SPAG17: variants seen among roughly 807,000 people sequenced by gnomAD.
SPAG17 encodes sperm associated antigen 17, also known as sperm-associated antigen 17.
In SPAG17, 169 loss-of-function variants were observed where a neutral mutation model predicts 273.6. The ratio of observed to expected loss-of-function variants is 0.62; its 90% CI spans 0.55 to 0.70. SPAG17 has a LOEUF of 0.70. Among genes scored for constraint, SPAG17 ranks in the 30% least tolerant of loss-of-function variants. SPAG17 has a pLI of 0.00. For synonymous variants in SPAG17, 825 were observed against 873.2 expected (o/e 0.94, Z 0.97); for missense variants, 2,557 against 2,627.8 (o/e 0.97, Z 0.59).
At chr1:118,157,178 A>G (rs1659694715) in intron 1 of SPAG17, among the ~76,000 whole-genome samples, 1 of 152,208 alleles carries the variant, frequency 6.6e-6, no homozygotes, top group Non-Finnish European at 1.5e-5. Context: ...CCAGCATATC[A>G]CAGCTGCCAT....
chr1:118,069,610 C>CAGGTAGAATTTTGAGTA (rs1653366617), intron 17 of SPAG17, among the ~76,000 whole-genome samples: 1 of 152,016 alleles, frequency 6.6e-6, no homozygotes, highest in Non-Finnish European at 1.5e-5. Flanking sequence ...ATCAGAAATT[C>CAGGTAGAATTTTGAGTA]AGGTAGAATT....
At chr1:118,181,397 CAG>C (rs1660934739) in intron 1 of SPAG17, among the ~76,000 whole-genome samples, 1 of 151,606 alleles carries the variant, frequency 6.6e-6, no homozygotes, top group South Asian at 2.1e-4. Flanking sequence ...ATGCTGTGTG[CAG>C]AGATTCACTT....
intron 39 of SPAG17, 83 bp from the exon 40 acceptor site, chr1:117,987,964 T>A: frequency 6.6e-7 from 1 of 1,509,002 alleles, no homozygotes; most frequent in East Asian, 2.3e-5. Flanking sequence ...CACCACTATA[T>A]GATGAATTAT....
At chr1:118,081,993 T>C (rs1654617323) in intron 13 of SPAG17, among the ~76,000 whole-genome samples, 1 of 152,190 alleles carries the variant, frequency 6.6e-6, no homozygotes, top group Non-Finnish European at 1.5e-5. Flanking sequence ...AAAGCACCCT[T>C]TTCTCCTGTT....
At chr1:118,124,820 C>T (rs768468878) in intron 3 of SPAG17, among the ~76,000 whole-genome samples, 3 of 152,198 alleles carry the variant, frequency 2.0e-5, no homozygotes, top group Non-Finnish European at 4.4e-5. Flanking sequence ...CCCAGGCTAT[C>T]TGGTTCCAGA....
chr1:118,014,252 G>A (rs1659751524), intron 29 of SPAG17, among the ~76,000 whole-genome samples: 1 of 152,142 alleles, frequency 6.6e-6, no homozygotes, highest in Admixed American at 6.5e-5. Flanking sequence ...CACAGTGAGT[G>A]CTCAGTAAAT....
rs775957192 is a variant in SPAG17 at position 118,025,239 on chromosome 1, T to C, written c.3908A>G (p.Gln1303Arg). The C allele has an allele frequency of 1.2e-6, 2 of 1,613,044 alleles. No homozygotes were observed. The highest frequency in any genetic ancestry group is 2.7e-5 in the African/African-American group (2 of 74,858). Residue 1303 changes from glutamine to arginine, a missense_variant and splice_region_variant, in exon 27 of 49, where the codon CAG (glutamine) becomes CGG (arginine). Gln to Arg is a conservative substitution (Grantham distance 43, BLOSUM62 1). Coordinates refer to ENST00000336338, the MANE Select transcript of SPAG17 (RefSeq NM_206996.4). ...VVKYMLDGST[Q>R]ILFADGAVSR... ...AATTTCTCTAACACATTCTTTTACC[T>C]GTGTGGATCCATCCAACATATATTT...
intron 26 of SPAG17, among the ~76,000 whole-genome samples, chr1:118,028,018 T>A (rs2101865053): frequency 6.6e-6 from 1 of 152,312 alleles, no homozygotes; most frequent in East Asian, 1.9e-4. Context: ...GGCAAGTAAC[T>A]GAACCTCCTG....
chr1:117,966,775 T>C (rs1557843538), intron 46 of SPAG17, 22 bp from the exon 47 acceptor site: 1 of 1,588,346 alleles, frequency 6.3e-7, no homozygotes, highest in Non-Finnish European at 8.5e-7. Flanking sequence ...AAGGTAGCTT[T>C]AGGACCAGAC....
At chr1:118,041,486 A>G (rs1420634510) in intron 21 of SPAG17, among the ~76,000 whole-genome samples, 1 of 152,110 alleles carries the variant, frequency 6.6e-6, no homozygotes, top group Admixed American at 6.6e-5. Context: ...TGAGACAGAT[A>G]AAGCCAACTT....
rs373376098 is a variant in SPAG17 at position 118,041,792 on chromosome 1, T to C, written c.3054+11A>G. 105 of 1,604,238 alleles carry C rather than the reference T, an allele frequency of 6.5e-5. No homozygotes were observed. Among genetic ancestry groups the C allele is most frequent in the Admixed American group, 1.9e-4 (11 of 57,494 alleles). On this transcript the variant is annotated intron_variant, in intron 21 of 48. Transcript: ENST00000336338. Reference sequence around the variant, plus strand: ...CCCAAAGAGACTAAGTTTTACAGAATTGGAGTTTACCGGGTAAGTTATCTT... The same window carrying C: ...CCCAAAGAGACTAAGTTTTACAGAACTGGAGTTTACCGGGTAAGTTATCTT...
At chr1:118,146,197 G>C (rs990950085) in intron 3 of SPAG17, among the ~76,000 whole-genome samples, 2 of 152,180 alleles carry the variant, frequency 1.3e-5, no homozygotes, top group African/African-American at 4.8e-5. Context: ...TTCACTTACT[G>C]TGTATCAGAT....
rs1188004680 is a variant in SPAG17, at chr1:117,953,866, T to G, written c.*184A>C. On this transcript the variant is annotated 3_prime_UTR_variant, in exon 49 of 49. Coordinates refer to ENST00000336338, the MANE Select transcript of SPAG17 (RefSeq NM_206996.4). ...AAACCAAAAATGTCTTTAAATGCTT[T>G]TTGGCACTCTATTCGCACGTCTTTA... 1 of 706,972 alleles carries G rather than the reference T, an allele frequency of 1.4e-6. No homozygotes were observed. The highest frequency in any genetic ancestry group is 3.0e-5 in the Admixed American group (1 of 33,786). 43.8% of individuals were successfully genotyped at this position (706,972 alleles called of 1,614,324 possible). A position where few individuals can be genotyped will look rare whatever the true frequency, so the allele number is the denominator to read the frequency against.
chr1:117,991,429 G>A lies in SPAG17; in HGVS notation c.5461C>T (p.Leu1821Phe). ...EEERGNAADLLKLVMSFPKME... is the reference protein window; with the variant it reads ...EEERGNAADLFKLVMSFPKME... ...CATTTTCTCACCATAACCAGCTTGA[G>A]GAGATCAGCAGCATTGCCTCTCTCC... Residue 1821 changes from leucine (L) to phenylalanine (F), a missense_variant, in exon 37 of 49, where the codon CTC becomes TTC. Coordinates refer to ENST00000336338, the MANE Select transcript of SPAG17 (RefSeq NM_206996.4). 1.2e-6 allele frequency: 2 copies of A among 1,602,374 alleles called. No homozygotes were observed. The highest frequency in any genetic ancestry group is 1.1e-5 in the South Asian group (1 of 89,418).
intron 1 of SPAG17, among the ~76,000 whole-genome samples, chr1:118,182,759 C>A (rs1661006914): frequency 6.6e-6 from 1 of 152,168 alleles, no homozygotes; most frequent in African/African-American, 2.4e-5. Flanking sequence ...TTCATTCTAC[C>A]TGTTCAAATT....
intron 4 of SPAG17, among the ~76,000 whole-genome samples, chr1:118,114,558 A>T (rs1399029547): frequency 6.6e-6 from 1 of 152,202 alleles, no homozygotes; most frequent in Non-Finnish European, 1.5e-5. Context: ...CATTTCATAC[A>T]TACACATGCA....
chr1:118,076,905 A>T (rs1020362631), intron 15 of SPAG17, among the ~76,000 whole-genome samples: 6 of 152,100 alleles, frequency 3.9e-5, no homozygotes, highest in Non-Finnish European at 7.4e-5. Context: ...CAGTTACTTT[A>T]TTAAAAAAAC....
At chr1:118,119,195 T>C (rs374007972) in intron 3 of SPAG17, among the ~76,000 whole-genome samples, 1 of 152,140 alleles carries the variant, frequency 6.6e-6, no homozygotes, top group Non-Finnish European at 1.5e-5. Context: ...GAGAGAGAGA[T>C]AGAATGGACT....
chr1:118,038,251 A>C (rs1014394923), intron 23 of SPAG17, among the ~76,000 whole-genome samples: 5 of 152,196 alleles, frequency 3.3e-5, no homozygotes, highest in Non-Finnish European at 7.3e-5. Flanking sequence ...CACCTTATAG[A>C]ATGGAGAAAA....
Sources: gnomAD v4.1 joint callset for allele counts (sites outside exome capture counted in the v4.1 genomes callset) on GRCh38, gnomAD v4.1.1 for gene constraint, MANE v1.5 for transcripts, NCBI Gene and HGNC (gene_info 2026-07-23, HGNC 2026-07-21) for gene names.